The following MYLK4 variants were observed in gnomAD, a reference collection of about 807,000 sequenced individuals.
MYLK4 encodes caMLCK like.
A neutral mutation model predicts 48.1 loss-of-function variants in MYLK4; 46 were observed. The ratio of observed to expected loss-of-function variants is 0.96; its 90% confidence interval spans 0.75 to 1.22. The LOEUF is 1.22. Ranked by LOEUF, MYLK4 falls within the 50% of genes most tolerant of loss-of-function variation. MYLK4 has a pLI of 0.00. For missense variants in MYLK4, 451 were observed against 486.1 expected (o/e 0.93, Z 0.68); for synonymous variants, 170 against 180.8 (o/e 0.94, Z 0.48).
chr6:2,766,292 G>C, the MYLK4 span: 1 of 1,602,430 alleles, frequency 6.2e-7, no homozygotes, highest in Non-Finnish European at 8.5e-7. Context: ...GATGCTACAG[G>C]GCAAGCCGCT....
chr6:2,723,899 CAG>C (rs1763157529), intron 2 of MYLK4, among the ~76,000 whole-genome samples: 1 of 152,054 alleles, frequency 6.6e-6, no homozygotes, highest in Non-Finnish European at 1.5e-5. Flanking sequence ...ATTTTTGAGA[CAG>C]GGTCTCACTC....
the MYLK4 span, among the ~76,000 whole-genome samples, chr6:2,763,312 T>C: frequency 1.3e-5 from 2 of 152,250 alleles, no homozygotes; most frequent in Non-Finnish European, 2.9e-5. Flanking sequence ...ATAGAGTTGC[T>C]TGCTAGTCCC....
intron 2 of MYLK4, among the ~76,000 whole-genome samples, chr6:2,709,879 CA>C (rs1273669854): frequency 6.6e-6 from 1 of 152,064 alleles, no homozygotes; most frequent in Non-Finnish European, 1.5e-5. Context: ...GAAATAAACC[CA>C]AAATACTGTC....
chr6:2,679,428 G>A lies in MYLK4; in HGVS notation c.759-20C>T, dbSNP rs1196917092. 1.2e-6 allele frequency: 2 copies of A among 1,614,002 alleles called. No homozygotes were observed. The highest frequency in any genetic ancestry group is 8.5e-7 in the Non-Finnish European group (1 of 1,179,956). On this transcript the variant is annotated intron_variant, in intron 8 of 12. Coordinates refer to ENST00000274643, the MANE Select transcript of MYLK4 (RefSeq NM_001012418.5). Reference sequence around the variant, plus strand: ...TTGTATCTGCAATTTAAGAGACAAAGTGGAAGGATGGACGTGTCGATCAAA... The same window carrying A: ...TTGTATCTGCAATTTAAGAGACAAAATGGAAGGATGGACGTGTCGATCAAA...
Position 2,663,768 on chromosome 6 carries a change from C to CATTT in MYLK4, c.*4156_*4157insAAAT, listed in dbSNP as rs1561819560. ...AAATATACATGATAGACACAATCAC[C>CATTT]ACGTTATGAATCCTTTTTTTAATTT... On this transcript the variant is annotated 3_prime_UTR_variant, in exon 13 of 13. Transcript: ENST00000274643. 1.3e-5 allele frequency: 2 copies of CATTT among 152,540 alleles called. No homozygotes were observed. The highest frequency in any genetic ancestry group is 2.9e-5 in the Non-Finnish European group (2 of 68,024). The allele number at this position is 152,540 out of a possible 1,614,324, so 9.4% of individuals were successfully genotyped here.
chr6:2,767,626 C>A, the MYLK4 span, among the ~76,000 whole-genome samples: 1 of 152,216 alleles, frequency 6.6e-6, no homozygotes, highest in Non-Finnish European at 1.5e-5. Context: ...TAGTTGTTAA[C>A]CCCATTTAAG....
At chr6:2,719,651 G>A (rs1211646269) in intron 2 of MYLK4, among the ~76,000 whole-genome samples, 13 of 151,692 alleles carry the variant, frequency 8.6e-5, no homozygotes, top group African/African-American at 2.2e-4. Flanking sequence ...TTTCATTAGC[G>A]TAAACCCTCA....
At chr6:2,751,811 T>G (rs1243673950), upstream of MYLK4, among the ~76,000 whole-genome samples, 1 of 152,236 alleles carries the variant, frequency 6.6e-6, no homozygotes, top group African/African-American at 2.4e-5. Flanking sequence ...TTCCATTTTA[T>G]GTAGTATTAA....
intron 6 of MYLK4, among the ~76,000 whole-genome samples, chr6:2,683,833 CT>C (rs1469846377): frequency 7.9e-5 from 12 of 152,156 alleles, no homozygotes; most frequent in African/African-American, 2.9e-4. Flanking sequence ...ACTCCAAGCC[CT>C]GACTGAAGGT....
intron 2 of MYLK4, among the ~76,000 whole-genome samples, chr6:2,703,499 C>T (rs1377006971): frequency 3.3e-5 from 5 of 151,912 alleles, no homozygotes; most frequent in Non-Finnish European, 7.4e-5. Context: ...AGTTCCTTCC[C>T]CAGAAATTCT....
At chr6:2,765,408 C>G in the MYLK4 span, 8 of 441,004 alleles carry the variant, frequency 1.8e-5, no homozygotes, top group Admixed American at 4.9e-5. Flanking sequence ...TCCCGACACG[C>G]CGCGTGAGGC....
intron 2 of MYLK4, among the ~76,000 whole-genome samples, chr6:2,711,128 C>T (rs1353884978): frequency 1.3e-5 from 2 of 152,174 alleles, no homozygotes; most frequent in South Asian, 2.1e-4. Flanking sequence ...TGTGCCACAA[C>T]AGAAAATGGC....
intron 2 of MYLK4, among the ~76,000 whole-genome samples, chr6:2,719,537 G>T (rs1762993253): frequency 6.6e-6 from 1 of 152,146 alleles, no homozygotes; most frequent in South Asian, 2.1e-4. Context: ...TTAACTGTCT[G>T]TGAAAATGTG....
intron 2 of MYLK4, among the ~76,000 whole-genome samples, chr6:2,721,995 A>T (rs1203024777): frequency 6.6e-6 from 1 of 152,246 alleles, no homozygotes; most frequent in African/African-American, 2.4e-5. Context: ...GATGTATGAC[A>T]TCTAAACAGG....
the MYLK4 span, among the ~76,000 whole-genome samples, chr6:2,756,522 G>A: frequency 2.0e-5 from 3 of 152,008 alleles, no homozygotes; most frequent in African/African-American, 4.8e-5. Context: ...TTTTTGCTAC[G>A]GGGGTGTCAC....
At chr6:2,734,046 A>C (rs1662689570) in intron 2 of MYLK4, among the ~76,000 whole-genome samples, 2 of 152,246 alleles carry the variant, frequency 1.3e-5, no homozygotes, top group South Asian at 2.1e-4. Context: ...GACACTAGTG[A>C]CCTTTCCATT....
intron 2 of MYLK4, among the ~76,000 whole-genome samples, chr6:2,713,794 G>T (rs185796396): frequency 6.6e-6 from 1 of 152,252 alleles, no homozygotes; most frequent in Non-Finnish European, 1.5e-5. Context: ...CTACGCATAG[G>T]CTGGCAAAGC....
chr6:2,680,612 G>A (rs1313064387), intron 7 of MYLK4: 14 of 966,140 alleles, frequency 1.4e-5, no homozygotes, highest in Non-Finnish European at 1.7e-5. Flanking sequence ...GTGGAGGCCC[G>A]CTCAGGCCTG....
At chr6:2,678,434 A>C in intron 9 of MYLK4, 62 bp from the exon 10 acceptor site, 1 of 1,554,358 alleles carries the variant, frequency 6.4e-7, no homozygotes, top group African/African-American at 1.4e-5. Flanking sequence ...TTCCATACAG[A>C]TTGCTTTTCT....
Sources: gnomAD v4.1 joint callset for allele counts (sites outside exome capture counted in the v4.1 genomes callset) on GRCh38, gnomAD v4.1.1 for gene constraint, MANE v1.5 for transcripts, NCBI Gene and HGNC (gene_info 2026-07-23, HGNC 2026-07-21) for gene names.